Variants in YWHAE observed in about 807,000 individuals in gnomAD.
YWHAE encodes tyrosine 3-monooxygenase/tryptophan 5-monooxygenase activation protein epsilon, also known as 14-3-3 protein epsilon.
Under a neutral mutation model 30.1 loss-of-function variants are expected in YWHAE, and 4 were observed. The ratio of observed to expected loss-of-function variants is 0.13; its 90% confidence interval spans 0.07 to 0.30. The LOEUF (loss-of-function observed/expected upper bound fraction) is 0.30. Among genes scored for constraint, YWHAE ranks in the 10% least tolerant of loss-of-function variants. YWHAE has a pLI of 1.00. For synonymous variants in YWHAE, 118 were observed against 111.8 expected (o/e 1.06, Z -0.35); for missense variants, 121 against 315.9 (o/e 0.38, Z 4.68).
rs542443595 is a variant in YWHAE, at chr17:1,347,726, TA to T, written c.716-2228del. Among the ~76,000 whole-genome samples the T allele has an allele frequency of 1.6e-3, 238 of 152,272 alleles. 1 individual carries two copies. The highest frequency in any genetic ancestry group is 5.4e-3 in the African/African-American group (224 of 41,562). ...CAAACACTAGAACACAACTCGCTTG[TA>T]AGCAACCATGAGATGTGCCAGAAGT... On this transcript the variant is annotated intron_variant, in intron 5 of 5. Coordinates refer to ENST00000264335, the MANE Select transcript of YWHAE (RefSeq NM_006761.5).
rs2072921588 is a variant in YWHAE at position 1,365,061 on chromosome 17, G to T, written c.65-3C>A. On this transcript the variant is annotated splice_region_variant and splice_polypyrimidine_tract_variant and intron_variant, in intron 1 of 5. Transcript: ENST00000264335. ...TTTCTTCATTGACTCCACCATTTCT[G>T]TATGGGAAAAGGAAAAGTCAGACCT... 2 of 1,613,090 alleles carry T rather than the reference G, an allele frequency of 1.2e-6. No individual in the cohort carries two copies. The highest frequency in any genetic ancestry group is 1.7e-6 in the Non-Finnish European group (2 of 1,179,832).
chr17:1,366,118 A>T (rs913217368), intron 1 of YWHAE, among the ~76,000 whole-genome samples: 9 of 151,900 alleles, frequency 5.9e-5, no homozygotes, highest in Non-Finnish European at 1.2e-4. Flanking sequence ...CTAGAGACTG[A>T]GACAGGAGAA....
In YWHAE at chr17:1,345,198, A is replaced by T. The variant is rs1464093849; in HGVS notation, c.*249T>A. On this transcript the variant is annotated 3_prime_UTR_variant, in exon 6 of 6. Transcript: ENST00000264335. The stretch of plus-strand genomic sequence containing the variant: ...AGTAATGCTGAAAAAGCCTCTATGT[A>T]GTCCTGTTAGTGTCTTAAAGAACCT... The T allele has an allele frequency of 1.8e-6, 1 of 546,876 alleles. No homozygotes were observed. The highest frequency in any genetic ancestry group is 1.9e-5 in the African/African-American group (1 of 52,342). The allele number at this position is 546,876 out of a possible 1,614,324, so 33.9% of individuals were successfully genotyped here.
chr17:1,379,868 T>C (rs1466595323), intron 1 of YWHAE, among the ~76,000 whole-genome samples: 1 of 152,252 alleles, frequency 6.6e-6, no homozygotes, highest in African/African-American at 2.4e-5. Context: ...AATTATACTT[T>C]GTGTTCAGTA....
intron 1 of YWHAE, among the ~76,000 whole-genome samples, chr17:1,377,664 C>T (rs188845953): frequency 6.6e-6 from 1 of 152,174 alleles, no homozygotes; most frequent in Admixed American, 6.5e-5. Flanking sequence ...CCTGAGCTTG[C>T]TTTATATAAA....
At chr17:1,347,469 CA>C (rs1188685894) in intron 5 of YWHAE, among the ~76,000 whole-genome samples, 2 of 151,554 alleles carry the variant, frequency 1.3e-5, no homozygotes, top group African/African-American at 2.4e-5. Flanking sequence ...GCAACAAGAG[CA>C]AAACTCCGTC....
At chr17:1,355,141 AAAAAAAATTT>A in intron 4 of YWHAE, among the ~76,000 whole-genome samples, 15 of 107,974 alleles carry the variant, frequency 1.4e-4, no homozygotes, top group African/African-American at 5.0e-4. Context: ...AAAAAAAAAA[AAAAAAAATTT>A]TTTTTTTTTT....
At chr17:1,367,068 T>C (rs1272203056) in intron 1 of YWHAE, among the ~76,000 whole-genome samples, 1 of 152,214 alleles carries the variant, frequency 6.6e-6, no homozygotes, top group Non-Finnish European at 1.5e-5. Context: ...CCATATTTTG[T>C]AAAGTCTCTT....
intron 1 of YWHAE, among the ~76,000 whole-genome samples, chr17:1,387,435 T>C (rs2073315736): frequency 6.6e-6 from 1 of 152,190 alleles, no homozygotes; most frequent in African/African-American, 2.4e-5. Flanking sequence ...ACAGTTTTTA[T>C]GGAATTAGAA....
chr17:1,356,787 T>C lies in YWHAE; in HGVS notation c.579-2440A>G, dbSNP rs569575319. On this transcript the variant is annotated intron_variant, in intron 4 of 5. Transcript: ENST00000264335. ...CAGCCTGACCAAGATGGTGAAAACCTGTCTCTACTAAAAATGCAAAAAAAA... is the reference window on the plus strand; with the variant it reads ...CAGCCTGACCAAGATGGTGAAAACCCGTCTCTACTAAAAATGCAAAAAAAA... Among the ~76,000 whole-genome samples the C allele has an allele frequency of 2.7e-5, 4 of 146,918 alleles. No individual in the cohort carries two copies. The East Asian group carries it at 7.9e-4, about 29-fold the overall frequency.
At chr17:1,352,727 G>A (rs543626274) in intron 5 of YWHAE, among the ~76,000 whole-genome samples, 15 of 152,146 alleles carry the variant, frequency 9.9e-5, no homozygotes, top group South Asian at 8.3e-4. Context: ...GGGTTTCCCC[G>A]TGTTAGCCAG....
At chr17:1,345,679 T>C (rs1352342351) in intron 5 of YWHAE, among the ~76,000 whole-genome samples, 180 bp from the exon 6 acceptor site, 2 of 152,174 alleles carry the variant, frequency 1.3e-5, no homozygotes, top group African/African-American at 4.8e-5. Context: ...GAAGGGATTA[T>C]GGTCCTGAAA....
At chr17:1,386,932 C>T (rs12946543) in intron 1 of YWHAE, among the ~76,000 whole-genome samples, 13,991 of 148,360 alleles carry the variant, frequency 0.094, 896 homozygotes, top group Non-Finnish European at 0.14. Flanking sequence ...CCAGTCTGGG[C>T]AACAGAGTGA....
chr17:1,366,770 C>T (rs1039049975), intron 1 of YWHAE, among the ~76,000 whole-genome samples: 5 of 151,552 alleles, frequency 3.3e-5, no homozygotes, highest in African/African-American at 9.7e-5. Context: ...TGGTGAAACC[C>T]GTCTCTACTA....
At chr17:1,345,577 C>G in intron 5 of YWHAE, 78 bp from the exon 6 acceptor site, 1 of 1,476,094 alleles carries the variant, frequency 6.8e-7, no homozygotes, top group Non-Finnish European at 9.4e-7. Context: ...AGGTGTCATT[C>G]CAAGCATAAA....
intron 4 of YWHAE, among the ~76,000 whole-genome samples, chr17:1,354,972 T>TTTTTG (rs2072706030): frequency 1.6e-5 from 1 of 63,386 alleles, no homozygotes; most frequent in African/African-American, 2.1e-4. Flanking sequence ...TAGTTTTTTT[T>TTTTTG]TTTTTTTTTT....
chr17:1,365,939 T>A (rs1016372693), intron 1 of YWHAE, among the ~76,000 whole-genome samples: 20 of 151,120 alleles, frequency 1.3e-4, no homozygotes, highest in African/African-American at 4.6e-4. Context: ...AAACAGAGGC[T>A]GGGCACAGTG....
At chr17:1,389,308 G>T (rs1321108306) in intron 1 of YWHAE, among the ~76,000 whole-genome samples, 1 of 152,072 alleles carries the variant, frequency 6.6e-6, no homozygotes, top group East Asian at 1.9e-4. Flanking sequence ...ACATAAAGGT[G>T]TTCACAACAA....
chr17:1,370,618 A>T (rs1348252741), intron 1 of YWHAE, among the ~76,000 whole-genome samples: 1 of 152,028 alleles, frequency 6.6e-6, no homozygotes, highest in African/African-American at 2.4e-5. Context: ...TTTAGTAGAG[A>T]CGGGGTTTCA....
Sources: gnomAD v4.1 joint callset for allele counts (sites outside exome capture counted in the v4.1 genomes callset) on GRCh38, gnomAD v4.1.1 for gene constraint, MANE v1.5 for transcripts, NCBI Gene and HGNC (gene_info 2026-07-23, HGNC 2026-07-21) for gene names.